ROBO2: variants seen among roughly 807,000 people sequenced by gnomAD.
ROBO2 encodes the protein roundabout guidance receptor 2, also known as roundabout homolog 2.
ROBO2 carries 53 observed loss-of-function variants against 160.8 expected under a neutral mutation model. The observed-to-expected ratio is 0.33, with a 90% CI of 0.26 to 0.41. The LOEUF is 0.41. Ranked by LOEUF, ROBO2 falls within the 10% of genes least tolerant of loss-of-function variation. The pLI is 1.00. For synonymous variants in ROBO2, 664 were observed against 611.7 expected (o/e 1.09, Z -1.26); for missense variants, 1,577 against 1,722.4 (o/e 0.92, Z 1.49).
chr3:76,597,218 T>C (rs570534297), intron 2 of ROBO2, among the ~76,000 whole-genome samples: 2 of 152,046 alleles, frequency 1.3e-5, no homozygotes, highest in South Asian at 2.1e-4. Flanking sequence ...TTCTTTAAAA[T>C]TGAAACAAAA....
At chr3:76,458,997 G>A (rs905456630) in intron 2 of ROBO2, among the ~76,000 whole-genome samples, 5 of 152,174 alleles carry the variant, frequency 3.3e-5, no homozygotes, top group African/African-American at 9.7e-5. Flanking sequence ...GGCTGGTGCT[G>A]TATACATCAT....
chr3:77,065,964 T>C (rs2066797204), intron 1 of ROBO2, among the ~76,000 whole-genome samples: 1 of 152,146 alleles, frequency 6.6e-6, no homozygotes, highest in Non-Finnish European at 1.5e-5. Flanking sequence ...CCCAGGACTT[T>C]GCTGGCATCG....
chr3:75,984,221 TA>T (rs2065352299), intron 2 of ROBO2, among the ~76,000 whole-genome samples: 1 of 151,574 alleles, frequency 6.6e-6, no homozygotes, highest in South Asian at 2.1e-4. Context: ...ATGTACTAAT[TA>T]AAAACACACT....
chr3:76,582,799 T>C (rs1375254164), intron 2 of ROBO2, among the ~76,000 whole-genome samples: 1 of 152,128 alleles, frequency 6.6e-6, no homozygotes, highest in Non-Finnish European at 1.5e-5. Context: ...GTGTTCATAA[T>C]CTCATTAAGC....
chr3:76,989,340 A>G (rs1411297350), intron 2 of ROBO2, among the ~76,000 whole-genome samples: 2 of 152,144 alleles, frequency 1.3e-5, no homozygotes, highest in African/African-American at 4.8e-5. Flanking sequence ...CAGACAAGGA[A>G]TACATTTTGA....
chr3:77,465,666 A>C (rs566401946), intron 2 of ROBO2, among the ~76,000 whole-genome samples: 1 of 152,318 alleles, frequency 6.6e-6, no homozygotes, highest in Admixed American at 6.5e-5. Flanking sequence ...TAAAGCATCC[A>C]TGAGTTTTAA....
intron 2 of ROBO2, among the ~76,000 whole-genome samples, chr3:76,845,193 ATTTTAGAAATTGTCTCG>A: frequency 6.6e-6 from 1 of 152,084 alleles, no homozygotes; most frequent in South Asian, 2.1e-4. Context: ...TCCCATTTGT[ATTTTAGAAATTGTCTCG>A]TCAATTTTTG....
chr3:76,940,532 T>C (rs1316456989), intron 2 of ROBO2, among the ~76,000 whole-genome samples: 6 of 152,224 alleles, frequency 3.9e-5, no homozygotes, highest in African/African-American at 1.2e-4. Context: ...TAAAATTGTA[T>C]TCATTTTAAA....
At chr3:76,523,414 C>T (rs1185512122) in intron 2 of ROBO2, among the ~76,000 whole-genome samples, 1 of 151,972 alleles carries the variant, frequency 6.6e-6, no homozygotes, top group Non-Finnish European at 1.5e-5. Context: ...TTTGTACCTT[C>T]GTCTGGAAAT....
intron 2 of ROBO2, among the ~76,000 whole-genome samples, chr3:77,388,835 C>G (rs1252630742): frequency 6.6e-6 from 1 of 152,176 alleles, no homozygotes; most frequent in Non-Finnish European, 1.5e-5. Context: ...AGAGCCATGT[C>G]TCTAAAGACA....
chr3:76,223,031 A>G (rs1204028028), intron 2 of ROBO2, among the ~76,000 whole-genome samples: 5 of 151,882 alleles, frequency 3.3e-5, no homozygotes, highest in African/African-American at 1.2e-4. Context: ...CTGGTATTTC[A>G]GGCATGCGCC....
At chr3:77,206,462 CA>C (rs2083458401) in intron 2 of ROBO2, among the ~76,000 whole-genome samples, 1 of 152,040 alleles carries the variant, frequency 6.6e-6, no homozygotes, top group East Asian at 1.9e-4. Context: ...CCACCGTGCC[CA>C]GACCTTTCTT....
chr3:76,566,308 T>G (rs1578189842), intron 2 of ROBO2, among the ~76,000 whole-genome samples: 3 of 152,306 alleles, frequency 2.0e-5, no homozygotes, highest in Middle Eastern at 6.8e-3. Context: ...ATTAGAATCA[T>G]CTGGGCTGTG....
At chr3:75,915,533 T>G (rs1474594648) in intron 1 of ROBO2, among the ~76,000 whole-genome samples, 7 of 152,152 alleles carry the variant, frequency 4.6e-5, no homozygotes, top group Non-Finnish European at 1.0e-4. Flanking sequence ...AATTACTAAT[T>G]TTTTCAATAC....
intron 2 of ROBO2, among the ~76,000 whole-genome samples, chr3:76,832,491 C>T (rs532236226): frequency 2.6e-5 from 4 of 152,122 alleles, no homozygotes; most frequent in Admixed American, 2.0e-4. Flanking sequence ...TCATAACGTG[C>T]AAATTGAGGA....
intron 2 of ROBO2, among the ~76,000 whole-genome samples, chr3:76,987,661 T>A (rs2060457124): frequency 6.6e-6 from 1 of 152,232 alleles, no homozygotes; most frequent in African/African-American, 2.4e-5. Flanking sequence ...ATATTTTATG[T>A]TCAAATCAGT....
At chr3:77,055,001 T>G (rs1474865658) in intron 1 of ROBO2, among the ~76,000 whole-genome samples, 1 of 151,040 alleles carries the variant, frequency 6.6e-6, no homozygotes, top group East Asian at 2.0e-4. Flanking sequence ...ATTAGAGCCC[T>G]CATAATAAAG....
intron 2 of ROBO2, among the ~76,000 whole-genome samples, chr3:76,426,939 C>T (rs1320093395): frequency 4.6e-5 from 7 of 152,050 alleles, no homozygotes. Flanking sequence ...GAGAGCATCA[C>T]AGAAGAGGAA....
chr3:76,590,431 T>C (rs1452703242), intron 2 of ROBO2, among the ~76,000 whole-genome samples: 2 of 152,134 alleles, frequency 1.3e-5, no homozygotes, highest in Admixed American at 1.3e-4. Context: ...TTCATGAAAT[T>C]GGCATGCATA....
Sources: allele counts gnomAD v4.1 joint callset (sites outside exome capture counted in the v4.1 genomes callset), GRCh38; gene constraint gnomAD v4.1.1; transcripts MANE v1.5; gene names NCBI Gene and HGNC (gene_info 2026-07-23, HGNC 2026-07-21).